The following TRPM3 variants were observed in gnomAD, a reference collection of about 807,000 sequenced individuals.
TRPM3 encodes transient receptor potential cation channel subfamily M member 3, also known as long transient receptor potential channel 3.
A neutral mutation model predicts 181.2 loss-of-function variants in TRPM3; 77 were observed. That is an observed-to-expected ratio of 0.42 (90% CI 0.35 to 0.51). The LOEUF (loss-of-function observed/expected upper bound fraction) is 0.51. Ranked by LOEUF, TRPM3 falls within the 20% of genes least tolerant of loss-of-function variation. The pLI is 0.01. For missense variants in TRPM3, 1,759 were observed against 2,196.7 expected, an observed-to-expected ratio of 0.80 and a Z score of 3.98; for synonymous variants, 745 against 796.4, an observed-to-expected ratio of 0.94 and a Z score of 1.09.
At chr9:71,335,599 T>C (rs533168285) in intron 1 of TRPM3, among the ~76,000 whole-genome samples, 3 of 152,116 alleles carry the variant, frequency 2.0e-5, no homozygotes, top group Non-Finnish European at 4.4e-5. Context: ...TGAAATAATA[T>C]AAGAAATCAA....
At chr9:71,412,792 T>C (rs546910010) in intron 1 of TRPM3, among the ~76,000 whole-genome samples, 1 of 152,272 alleles carries the variant, frequency 6.6e-6, no homozygotes, top group African/African-American at 2.4e-5. Context: ...TAAAGACACA[T>C]ACACACGTAT....
At chr9:71,103,983 C>T (rs1261274274) in intron 1 of TRPM3, among the ~76,000 whole-genome samples, 6 of 151,664 alleles carry the variant, frequency 4.0e-5, no homozygotes, top group African/African-American at 9.7e-5. Flanking sequence ...GGTGCAATCT[C>T]GGCTAACTGC....
intron 1 of TRPM3, among the ~76,000 whole-genome samples, chr9:71,383,438 A>G (rs2092850615): frequency 6.6e-6 from 1 of 152,138 alleles, no homozygotes; most frequent in Non-Finnish European, 1.5e-5. Flanking sequence ...AGATAACAGT[A>G]GGAGACTGAA....
At chr9:71,139,845 C>T (rs931643796) in intron 1 of TRPM3, among the ~76,000 whole-genome samples, 2 of 152,124 alleles carry the variant, frequency 1.3e-5, no homozygotes, top group Admixed American at 6.5e-5. Flanking sequence ...AAATAAGATG[C>T]CTGTTTCCAA....
At chr9:70,856,918 T>C (rs1388280710) in intron 3 of TRPM3, among the ~76,000 whole-genome samples, 1 of 152,100 alleles carries the variant, frequency 6.6e-6, no homozygotes, top group African/African-American at 2.4e-5. Context: ...AGTAAGAAAA[T>C]AAGATTCTGT....
chr9:71,287,418 C>T (rs4370599), intron 1 of TRPM3, among the ~76,000 whole-genome samples: 33,677 of 151,624 alleles, frequency 0.22, 4,145 homozygotes, highest in African/African-American at 0.3. Context: ...CACTATGAGG[C>T]TGTCCCACAA....
intron 9 of TRPM3, among the ~76,000 whole-genome samples, chr9:70,646,442 C>G (rs1263501387): frequency 6.6e-6 from 1 of 152,038 alleles, no homozygotes; most frequent in Non-Finnish European, 1.5e-5. Flanking sequence ...ATCTGGAAAC[C>G]ATCATTCTCA....
At chr9:71,233,585 T>C (rs1290892791) in intron 1 of TRPM3, among the ~76,000 whole-genome samples, 1 of 152,184 alleles carries the variant, frequency 6.6e-6, no homozygotes, top group Non-Finnish European at 1.5e-5. Context: ...CCTTGATGAC[T>C]TTAGAAAAAT....
chr9:70,809,826 C>T (rs1214777109), intron 6 of TRPM3: 3 of 422,776 alleles, frequency 7.1e-6, no homozygotes, highest in Non-Finnish European at 1.5e-5. Context: ...CTTCCTAATT[C>T]CAGAGCTGCT....
chr9:70,786,311 C>CAAAAAAAAAAAAAAAAAAAAAAAAAAA (rs71367227), intron 6 of TRPM3, among the ~76,000 whole-genome samples: 14 of 54,454 alleles, frequency 2.6e-4, no homozygotes, highest in Non-Finnish European at 3.1e-4. Context: ...CTAAAAATAC[C>CAAAAAAAAAAAAAAAAAAAAAAAAAAA]AAAAAAAAAA....
At chr9:71,106,253 A>C (rs2069530853) in intron 1 of TRPM3, among the ~76,000 whole-genome samples, 2 of 152,142 alleles carry the variant, frequency 1.3e-5, no homozygotes, top group Non-Finnish European at 2.9e-5. Flanking sequence ...TCATGATATG[A>C]TTTGGATATT....
At chr9:70,901,674 T>C (rs1448255992) in intron 1 of TRPM3, among the ~76,000 whole-genome samples, 1 of 152,104 alleles carries the variant, frequency 6.6e-6, no homozygotes, top group African/African-American at 2.4e-5. Context: ...GGAGCAGCAA[T>C]ATGTGGAGAT....
intron 8 of TRPM3, among the ~76,000 whole-genome samples, chr9:70,685,497 C>T (rs150068161): frequency 5.3e-5 from 8 of 152,234 alleles, no homozygotes; most frequent in African/African-American, 1.7e-4. Flanking sequence ...CCTTGAACTC[C>T]CAGGCTCAAG....
chr9:71,389,696 G>C (rs1177682991), intron 1 of TRPM3, among the ~76,000 whole-genome samples: 1 of 152,088 alleles, frequency 6.6e-6, no homozygotes, highest in Non-Finnish European at 1.5e-5. Flanking sequence ...ACCTGGATGA[G>C]ATTGGAGACT....
intron 1 of TRPM3, among the ~76,000 whole-genome samples, chr9:71,345,963 C>T (rs2091269587): frequency 6.6e-6 from 1 of 152,110 alleles, no homozygotes; most frequent in African/African-American, 2.4e-5. Flanking sequence ...CAATAGTATG[C>T]TATGGGAAAT....
chr9:70,770,392 G>A (rs1237597917), intron 7 of TRPM3, among the ~76,000 whole-genome samples: 1 of 152,242 alleles, frequency 6.6e-6, no homozygotes, highest in Non-Finnish European at 1.5e-5. Context: ...GTTTGGGGAT[G>A]TTAAGAGTTT....
At chr9:70,580,614 G>T (rs1228471597) in intron 22 of TRPM3, among the ~76,000 whole-genome samples, 1 of 152,068 alleles carries the variant, frequency 6.6e-6, no homozygotes, top group Admixed American at 6.6e-5. Flanking sequence ...GTTCTCTCTG[G>T]CCCCCATATG....
chr9:71,429,481 C>G (rs572581649), intron 1 of TRPM3, among the ~76,000 whole-genome samples: 2 of 149,720 alleles, frequency 1.3e-5, no homozygotes, highest in East Asian at 4.0e-4. Flanking sequence ...AGAACAGTTT[C>G]TGGAACATGG....
At chr9:70,907,781 C>T (rs1304146998) in intron 1 of TRPM3, among the ~76,000 whole-genome samples, 1 of 152,160 alleles carries the variant, frequency 6.6e-6, no homozygotes, top group Non-Finnish European at 1.5e-5. Flanking sequence ...GTTTAGCTCC[C>T]ACTTATAAGT....
Sources: allele counts gnomAD v4.1 joint callset (sites outside exome capture counted in the v4.1 genomes callset), GRCh38; gene constraint gnomAD v4.1.1; transcripts MANE v1.5; gene names NCBI Gene and HGNC (gene_info 2026-07-23, HGNC 2026-07-21).